TEX14: variants seen among roughly 807,000 people sequenced by gnomAD.
TEX14 encodes testis expressed 14, intercellular bridge forming factor.
A neutral mutation model predicts 178.6 loss-of-function variants in TEX14; 168 were observed. The ratio of observed to expected loss-of-function variants is 0.94; its 90% CI spans 0.83 to 1.07. The LOEUF (loss-of-function observed/expected upper bound fraction) is 1.07, where lower values mean the gene tolerates loss of function less well. TEX14 is among the 50% of genes least tolerant of loss of function. The pLI is 0.00. For missense variants in TEX14, 1,730 were observed against 1,753.6 expected, an observed-to-expected ratio of 0.99 and a Z score of 0.24; for synonymous variants, 626 against 634.1, an observed-to-expected ratio of 0.99 and a Z score of 0.19.
At chr17:58,564,744 G>T in intron 28 of TEX14, 125 bp downstream of exon 28, 1 of 514,434 alleles carries the variant, frequency 1.9e-6, no homozygotes, top group East Asian at 3.3e-5. Flanking sequence ...AGGAATAGGG[G>T]CTATTAGGAT....
chr17:58,616,384 A>C (rs1027278980), intron 6 of TEX14, 79 bp from the exon 7 acceptor site: 13 of 1,541,640 alleles, frequency 8.4e-6, no homozygotes, highest in Non-Finnish European at 1.1e-5. Context: ...TCAGCCAGCT[A>C]AAAGAATGAG....
intron 17 of TEX14, among the ~76,000 whole-genome samples, chr17:58,586,599 A>T (rs923926654): frequency 7.9e-5 from 12 of 152,224 alleles, no homozygotes; most frequent in African/African-American, 2.7e-4. Context: ...GAAAACTGAT[A>T]CAAAGAATAA....
chr17:58,665,550 C>G (rs575862387), intron 1 of TEX14, among the ~76,000 whole-genome samples: 1 of 149,276 alleles, frequency 6.7e-6, no homozygotes, highest in Non-Finnish European at 1.5e-5. Context: ...GAGCCGAGAT[C>G]GCGCCACTGC....
At chr17:58,619,737 G>A (rs2045953924) in intron 5 of TEX14, among the ~76,000 whole-genome samples, 1 of 150,582 alleles carries the variant, frequency 6.6e-6, no homozygotes. Context: ...AGGAGACAGA[G>A]GTTGTGGTGA....
chr17:58,650,392 G>A (rs1240655463), intron 2 of TEX14, among the ~76,000 whole-genome samples: 6 of 152,048 alleles, frequency 3.9e-5, no homozygotes, highest in African/African-American at 1.2e-4. Flanking sequence ...TAAAACATAT[G>A]TGGATATGTT....
intron 1 of TEX14, among the ~76,000 whole-genome samples, chr17:58,654,870 C>T (rs1014956886): frequency 2.0e-5 from 3 of 151,916 alleles, no homozygotes; most frequent in African/African-American, 7.3e-5. Flanking sequence ...GAAGCTGGAC[C>T]TCATTCTGTC....
intron 1 of TEX14, among the ~76,000 whole-genome samples, chr17:58,687,030 C>T (rs932678761): frequency 2.2e-4 from 34 of 152,060 alleles, no homozygotes; most frequent in African/African-American, 8.2e-4. Context: ...CCCACCACCA[C>T]ACCTGTAGGG....
intron 19 of TEX14, among the ~76,000 whole-genome samples, chr17:58,581,987 G>A (rs1267395477): frequency 6.6e-6 from 1 of 152,106 alleles, no homozygotes; most frequent in Non-Finnish European, 1.5e-5. Flanking sequence ...CAGAATGGGT[G>A]GAGATGAGGT....
chr17:58,653,787 C>A (rs925389512), intron 1 of TEX14, among the ~76,000 whole-genome samples: 2 of 152,156 alleles, frequency 1.3e-5, no homozygotes, highest in African/African-American at 4.8e-5. Flanking sequence ...GCTCAGTGCC[C>A]CCTTTGTGGC....
At chr17:58,591,727 A>G (rs1215303805) in intron 15 of TEX14, among the ~76,000 whole-genome samples, 1 of 150,290 alleles carries the variant, frequency 6.7e-6, no homozygotes, top group Non-Finnish European at 1.5e-5. Context: ...AAAAAAAAAC[A>G]AAAAAAAACT....
intron 10 of TEX14, among the ~76,000 whole-genome samples, chr17:58,606,766 G>A (rs1483768492): frequency 1.3e-5 from 2 of 151,528 alleles, no homozygotes; most frequent in African/African-American, 4.8e-5. Context: ...AGTGGCTCAT[G>A]CCTGTAATCC....
chr17:58,647,200 T>C (rs1395928799), intron 2 of TEX14, among the ~76,000 whole-genome samples: 1 of 151,082 alleles, frequency 6.6e-6, no homozygotes, highest in Non-Finnish European at 1.5e-5. Flanking sequence ...GCGCCCAGCC[T>C]GGAACGGCAC....
intron 28 of TEX14, among the ~76,000 whole-genome samples, chr17:58,563,658 T>TAGAGAGAG (rs1180956521): frequency 6.9e-4 from 12 of 17,476 alleles, no homozygotes; most frequent in South Asian, 2.8e-3. Context: ...TATATATATA[T>TAGAGAGAG]AGAGAGAGAG....
At chr17:58,615,605 G>A (rs958884881) in intron 7 of TEX14, among the ~76,000 whole-genome samples, 5 of 152,244 alleles carry the variant, frequency 3.3e-5, no homozygotes, top group South Asian at 4.1e-4. Context: ...AAAACACAAC[G>A]TTACCGGCAA....
At chr17:58,572,928 G>C (rs1366002299) in intron 23 of TEX14, among the ~76,000 whole-genome samples, 1 of 152,258 alleles carries the variant, frequency 6.6e-6, no homozygotes, top group East Asian at 1.9e-4. Flanking sequence ...GTAGTGCTTA[G>C]AGGAGATGTA....
At chr17:58,667,248 T>G (rs151078085) in intron 1 of TEX14, among the ~76,000 whole-genome samples, 1 of 152,180 alleles carries the variant, frequency 6.6e-6, no homozygotes, top group Non-Finnish European at 1.5e-5. Flanking sequence ...TGGAGGGTTT[T>G]GGAATCCAAG....
chr17:58,637,015 TC>T (rs1189633296), intron 2 of TEX14, among the ~76,000 whole-genome samples: 5 of 151,908 alleles, frequency 3.3e-5, no homozygotes, highest in Non-Finnish European at 5.9e-5. Context: ...TCACTTGAGG[TC>T]AGCAGTTCAA....
At chr17:58,682,695 G>A (rs2047520813) in intron 1 of TEX14, among the ~76,000 whole-genome samples, 1 of 152,184 alleles carries the variant, frequency 6.6e-6, no homozygotes, top group East Asian at 1.9e-4. Flanking sequence ...AGAGTCTTAA[G>A]TGGCTCATGA....
intron 15 of TEX14, among the ~76,000 whole-genome samples, chr17:58,589,316 A>G (rs12103520): frequency 4.3e-4 from 66 of 151,828 alleles, no homozygotes; most frequent in African/African-American, 1.6e-3. Context: ...TAATCCCAGC[A>G]CTTTGGGAGA....
Sources: allele counts gnomAD v4.1 joint callset (sites outside exome capture counted in the v4.1 genomes callset), GRCh38; gene constraint gnomAD v4.1.1; transcripts MANE v1.5; gene names NCBI Gene and HGNC (gene_info 2026-07-23, HGNC 2026-07-21).